RAI14: variants seen among roughly 807,000 people sequenced by gnomAD.
RAI14 encodes ankycorbin.
In RAI14, 45 loss-of-function variants were observed where a neutral mutation model predicts 115.4. That is an observed-to-expected ratio of 0.39 (90% CI 0.31 to 0.50). The LOEUF is 0.50. Ranked by LOEUF, RAI14 falls within the 20% of genes least tolerant of loss-of-function variation. The pLI is 0.85. For missense variants in RAI14, 939 were observed against 1,131.2 expected (o/e 0.83, Z 2.44); for synonymous variants, 371 against 415.4 (o/e 0.89, Z 1.30).
At chr5:34,776,935 G>A (rs528658531) in intron 3 of RAI14, among the ~76,000 whole-genome samples, 3 of 152,234 alleles carry the variant, frequency 2.0e-5, no homozygotes, top group Admixed American at 6.5e-5. Flanking sequence ...TTGGGAAGCC[G>A]AGGTGGGAGG....
Position 34,791,154 on chromosome 5 carries a change from A to G in RAI14, c.168-4785A>G, listed in dbSNP as rs1480807552. 6.6e-6 allele frequency among the ~76,000 whole-genome samples: 1 copy of G among 152,130 alleles called. No homozygotes were observed. Among genetic ancestry groups the G allele is most frequent in the Non-Finnish European group, 1.5e-5 (1 of 68,024 alleles). ...GTTTTTGTAGCAGTTGTTTGTATCCATGTGTGTTGGTGCCCATATGTATTG... is the reference window on the plus strand; with the variant it reads ...GTTTTTGTAGCAGTTGTTTGTATCCGTGTGTGTTGGTGCCCATATGTATTG... On this transcript the variant is annotated intron_variant, in intron 3 of 17. Coordinates refer to ENST00000265109, the MANE Select transcript of RAI14 (RefSeq NM_015577.3). The surrounding 1 kb of genome is among the most constrained non-coding windows in gnomAD (Gnocchi z 5.4).
At chr5:34,687,698 G>T in intron 2 of RAI14, 1 of 1,551,548 alleles carries the variant, frequency 6.4e-7, no homozygotes, top group Admixed American at 2.0e-5. Context: ...AGAAATTAAT[G>T]GAAGGGAATT....
rs146818367 is a variant in RAI14 at position 34,714,406 on chromosome 5, C to T, written c.36+27451C>T. Among the ~76,000 whole-genome samples, 620 of 152,194 alleles carry T rather than the reference C, an allele frequency of 4.1e-3. 6 individuals carry two copies. Among genetic ancestry groups the T allele is most frequent in the Middle Eastern group, 0.017 (5 of 294 alleles). ...CGTTGGGTTATCTGGGACAGGGATA[C>T]GGAGGGAAGCAAAACTAAGTATATG... On this transcript the variant is annotated intron_variant, in intron 2 of 17. Coordinates refer to ENST00000265109, the MANE Select transcript of RAI14 (RefSeq NM_015577.3).
At chr5:34,814,811 T>A (rs1229535171) in intron 12 of RAI14, 142 bp downstream of exon 12, 1 of 656,726 alleles carries the variant, frequency 1.5e-6, no homozygotes, top group African/African-American at 1.8e-5. Flanking sequence ...TACCCCTTGA[T>A]TATTTTTTCT....
chr5:34,712,228 T>C (rs2149967660), intron 2 of RAI14, among the ~76,000 whole-genome samples: 1 of 152,366 alleles, frequency 6.6e-6, no homozygotes, highest in East Asian at 1.9e-4. Flanking sequence ...GTTTAAGTTA[T>C]AAACATCACT....
chr5:34,663,181 GGCCCACTGAGAGATATCA>G (rs1280882115), intron 1 of RAI14, among the ~76,000 whole-genome samples: 4 of 152,070 alleles, frequency 2.6e-5, no homozygotes, highest in Admixed American at 2.6e-4. Flanking sequence ...TTTGACATCA[GGCCCACTGAGAGATATCA>G]GCAAATCTAA....
intron 3 of RAI14, among the ~76,000 whole-genome samples, chr5:34,777,080 C>A (rs71615823): frequency 6.6e-6 from 1 of 151,760 alleles, no homozygotes; most frequent in African/African-American, 2.4e-5. Flanking sequence ...GCAGGAGAAT[C>A]GCTTGAACCC....
At chr5:34,692,100 T>C (rs1342774252) in intron 2 of RAI14, among the ~76,000 whole-genome samples, 1 of 152,028 alleles carries the variant, frequency 6.6e-6, no homozygotes, top group African/African-American at 2.4e-5. Flanking sequence ...CCATCTCTAC[T>C]AAAAATACAA....
chr5:34,757,446 T>C (rs572319325), intron 2 of RAI14, 22 bp from the exon 3 acceptor site: 3 of 1,611,772 alleles, frequency 1.9e-6, no homozygotes, highest in Non-Finnish European at 2.5e-6. Context: ...TCATGACCTC[T>C]GTTTCTTCTC....
chr5:34,682,381 A>AG (rs1334978851), intron 1 of RAI14, among the ~76,000 whole-genome samples: 1 of 150,836 alleles, frequency 6.6e-6, no homozygotes, highest in East Asian at 1.9e-4. Context: ...ATCCATTGTA[A>AG]GGGTTTTTTT....
At position 34,719,255 on chromosome 5, in the gene RAI14, T is replaced by C. The variant is rs1313976898; in HGVS notation, c.36+32300T>C. 2.8e-4 allele frequency among the ~76,000 whole-genome samples: 42 copies of C among 152,168 alleles called. 1 individual carries two copies. Among genetic ancestry groups the C allele is most frequent in the Non-Finnish European group, 7.3e-5 (5 of 68,040 alleles). ...TTTTGGCCAGAACGCTGGTGCCCCA[T>C]TGGCCCTGGCTTTCTCACAGCATGG... On this transcript the variant is annotated intron_variant, in intron 2 of 17. Transcript: ENST00000265109.
At chr5:34,683,874 C>A (rs1025427204) in intron 1 of RAI14, among the ~76,000 whole-genome samples, 1 of 152,116 alleles carries the variant, frequency 6.6e-6, no homozygotes, top group African/African-American at 2.4e-5. Flanking sequence ...ACTACAGGCG[C>A]CCGCCATCAC....
Position 34,791,166 on chromosome 5 carries a change from G to A in RAI14, c.168-4773G>A, listed in dbSNP as rs1455542977. Among the ~76,000 whole-genome samples, 1 of 152,096 alleles carries A rather than the reference G, an allele frequency of 6.6e-6. No homozygotes were observed. Among genetic ancestry groups the A allele is most frequent in the East Asian group, 1.9e-4 (1 of 5,200 alleles). ...GTTGTTTGTATCCATGTGTGTTGGT[G>A]CCCATATGTATTGTTTGGGGTTTGG... On this transcript the variant is annotated intron_variant, in intron 3 of 17. Coordinates refer to ENST00000265109, the MANE Select transcript of RAI14 (RefSeq NM_015577.3). This position sits in a 1 kb window ranked among gnomAD's most constrained non-coding sequence, Gnocchi z 5.4.
chr5:34,822,250 G>GTATATATATATATATA lies in RAI14; in HGVS notation c.1113+409_1113+424dup, dbSNP rs376790121. Among the ~76,000 whole-genome samples, 889 of 134,630 alleles carry GTATATATATATATATA rather than the reference G, an allele frequency of 6.6e-3. 5 individuals are homozygous for GTATATATATATATATA. Among genetic ancestry groups the GTATATATATATATATA allele is most frequent in the African/African-American group, 0.015 (532 of 35,656 alleles). 88.3% of individuals were successfully genotyped at this position (134,630 alleles called of 152,430 possible). A position where few individuals can be genotyped will look rare whatever the true frequency, so the allele number is the denominator to read the frequency against. On this transcript the variant is annotated intron_variant, in intron 14 of 17. Coordinates refer to ENST00000265109, the MANE Select transcript of RAI14 (RefSeq NM_015577.3). The stretch of plus-strand genomic sequence containing the variant: ...TTAAATTATATATGTATGTGTGTAT[G>GTATATATATATATATA]TATATATATATATATATATATATAA...
At chr5:34,795,813 G>A in intron 3 of RAI14, 126 bp from the exon 4 acceptor site, 3 of 614,556 alleles carry the variant, frequency 4.9e-6, no homozygotes, top group African/African-American at 1.9e-5. Context: ...CTAGTCAGTG[G>A]GTGCTTGTAG....
intron 2 of RAI14, chr5:34,757,244 T>C (rs921294339): frequency 2.5e-5 from 15 of 594,676 alleles, no homozygotes; most frequent in Non-Finnish European, 4.4e-5. Flanking sequence ...CAGAGTTTGG[T>C]GACTAGCCGT....
chr5:34,670,977 T>C (rs1653549369), intron 1 of RAI14, among the ~76,000 whole-genome samples: 1 of 152,252 alleles, frequency 6.6e-6, no homozygotes, highest in African/African-American at 2.4e-5. Flanking sequence ...ACATGTTTTC[T>C]GAATAGTATA....
intron 1 of RAI14, among the ~76,000 whole-genome samples, chr5:34,680,596 A>G: frequency 6.6e-6 from 1 of 152,180 alleles, no homozygotes; most frequent in East Asian, 1.9e-4. Context: ...TTACGGGACC[A>G]CTTGGGGAGA....
At chr5:34,728,768 AT>A (rs1323713364) in intron 2 of RAI14, 2 of 151,872 alleles carry the variant, frequency 1.3e-5, no homozygotes, top group South Asian at 2.1e-4. Context: ...AAAAAAAAAA[AT>A]GTTTAAAAAT....
Sources: allele counts gnomAD v4.1 joint callset (sites outside exome capture counted in the v4.1 genomes callset), GRCh38; gene constraint gnomAD v4.1.1; non-coding constraint Gnocchi (gnomAD v3.1); transcripts MANE v1.5; gene names NCBI Gene and HGNC (gene_info 2026-07-23, HGNC 2026-07-21).